Variants in SNW1 observed in about 807,000 individuals in gnomAD.
SNW1 encodes the protein SNW domain-containing protein 1.
In SNW1, 9 loss-of-function variants were observed where a neutral mutation model predicts 75.6. The ratio of observed to expected loss-of-function variants is 0.12; its 90% CI spans 0.07 to 0.21. SNW1 has a LOEUF of 0.21. SNW1 is among the 10% of genes least tolerant of loss of function. The probability of loss-of-function intolerance (pLI) is 1.00; values close to 1 mark genes in which losing one functional copy is unlikely to be tolerated. For synonymous variants in SNW1, 200 were observed against 219.1 expected (o/e 0.91, Z 0.77); for missense variants, 409 against 670.9 (o/e 0.61, Z 4.31).
intron 12 of SNW1, among the ~76,000 whole-genome samples, chr14:77,718,767 AGTG>A (rs1191241164): frequency 4.0e-5 from 6 of 148,998 alleles, no homozygotes; most frequent in Admixed American, 2.7e-4. Context: ...GCTGGAGTGC[AGTG>A]GTGTGATCTT....
chr14:77,727,013 T>C (rs2080591081), intron 10 of SNW1, among the ~76,000 whole-genome samples: 1 of 152,088 alleles, frequency 6.6e-6, no homozygotes, highest in Non-Finnish European at 1.5e-5. Flanking sequence ...TTTTTCTAAA[T>C]ATAGGATCAT....
At chr14:77,748,112 C>T (rs1440171898) in intron 3 of SNW1, among the ~76,000 whole-genome samples, 2 of 152,238 alleles carry the variant, frequency 1.3e-5, no homozygotes, top group East Asian at 1.9e-4. Flanking sequence ...AACCTTACCC[C>T]TAACCCCATG....
intron 1 of SNW1, 107 bp from the exon 2 acceptor site, chr14:77,755,227 T>A: frequency 1.2e-5 from 12 of 963,218 alleles, no homozygotes; most frequent in Non-Finnish European, 1.7e-5. Context: ...CTTTTACTTT[T>A]CAGAAAAAGA....
At chr14:77,750,863 C>G (rs993437096) in intron 3 of SNW1, among the ~76,000 whole-genome samples, 2 of 151,970 alleles carry the variant, frequency 1.3e-5, no homozygotes, top group Non-Finnish European at 2.9e-5. Context: ...TTATTATACT[C>G]AAATAAACTA....
At chr14:77,733,986 C>T in intron 8 of SNW1, 1 of 431,212 alleles carries the variant, frequency 2.3e-6, no homozygotes, top group Non-Finnish European at 4.6e-6. Context: ...CTCAAGATAC[C>T]ATCCAGTTAC....
At chr14:77,747,551 C>A (rs2080771013) in intron 3 of SNW1, among the ~76,000 whole-genome samples, 1 of 151,552 alleles carries the variant, frequency 6.6e-6, no homozygotes, top group South Asian at 2.1e-4. Context: ...ATGTGAGGAG[C>A]ACCTCTGCCC....
At position 77,754,066 on chromosome 14, in the gene SNW1, T is replaced by TG. The variant is rs776443406; in HGVS notation, c.168+900dup. Among the ~76,000 whole-genome samples the TG allele has an allele frequency of 3.3e-5, 5 of 152,076 alleles. No homozygotes were observed. In the East Asian group the frequency reaches 5.8e-4, roughly 18 times the overall value. ...TTTTTATTTTTTATTTTTTTTGAGATGGAGTTTTGCTGTTGTTGCCCAGGC... is the reference window on the plus strand; with the variant it reads ...TTTTTATTTTTTATTTTTTTTGAGATGGGAGTTTTGCTGTTGTTGCCCAGGC... On this transcript the variant is annotated intron_variant, in intron 2 of 13. Coordinates refer to ENST00000261531, the MANE Select transcript of SNW1 (RefSeq NM_012245.3).
At position 77,751,845 on chromosome 14, in the gene SNW1, C is replaced by CACACACACACACCA. The variant is rs1555388654; in HGVS notation, c.169-366_169-365insTGGTGTGTGTGTGT. Among the ~76,000 whole-genome samples the CACACACACACACCA allele has an allele frequency of 2.6e-4, 32 of 122,642 alleles. 1 individual carries two copies. In the East Asian group the frequency reaches 4.3e-3, roughly 17 times the overall value. 80.5% of individuals were successfully genotyped at this position (122,642 alleles called of 152,430 possible). A position where few individuals can be genotyped will look rare whatever the true frequency, so the allele number is the denominator to read the frequency against. On this transcript the variant is annotated intron_variant, in intron 2 of 13. Coordinates refer to ENST00000261531, the MANE Select transcript of SNW1 (RefSeq NM_012245.3). ...ACACACACACACACACACACACACA[C>CACACACACACACCA]CACACACACACACACACAAAGCATT...
chr14:77,741,096 CAAAAAAAAAAA>C (rs60307573), intron 3 of SNW1, among the ~76,000 whole-genome samples: 2 of 87,304 alleles, frequency 2.3e-5, no homozygotes, highest in Non-Finnish European at 4.4e-5. Flanking sequence ...AAACTGTCTC[CAAAAAAAAAAA>C]AAAAAAAAAA....
chr14:77,760,867 G>A (rs939734850), intron 1 of SNW1: 8 of 815,330 alleles, frequency 9.8e-6, no homozygotes, highest in African/African-American at 3.4e-5. Flanking sequence ...ACTCTTCAGT[G>A]TCTGAGACCA....
chr14:77,725,395 T>C (rs1040740669), intron 10 of SNW1, among the ~76,000 whole-genome samples: 1 of 152,340 alleles, frequency 6.6e-6, no homozygotes, highest in South Asian at 2.1e-4. Context: ...ACCCAAAAAA[T>C]CTTTGTCCAG....
intron 3 of SNW1, among the ~76,000 whole-genome samples, chr14:77,748,765 T>C (rs552424310): frequency 1.1e-4 from 17 of 152,152 alleles, no homozygotes; most frequent in Admixed American, 3.3e-4. Context: ...TTTTTTGTGT[T>C]TTTAGTAGAG....
At chr14:77,761,061 A>G (rs768887195) in intron 1 of SNW1, 53 bp downstream of exon 1, 2 of 1,614,084 alleles carry the variant, frequency 1.2e-6, no homozygotes, top group South Asian at 2.2e-5. Flanking sequence ...AGAAATGAAG[A>G]AGACTGGTAC....
At chr14:77,751,838 A>ACACACACACACACAC (rs962881056) in intron 2 of SNW1, among the ~76,000 whole-genome samples, 4 of 124,730 alleles carry the variant, frequency 3.2e-5, no homozygotes, top group Non-Finnish European at 5.2e-5. Context: ...ACACACACAC[A>ACACACACACACACAC]CACACACCAC....
chr14:77,730,521 T>G lies in SNW1; in HGVS notation c.1033+467A>C, dbSNP rs10151202. On this transcript the variant is annotated intron_variant, in intron 10 of 13. Transcript: ENST00000261531. ...TTAGGACTCGACTTCCCACTCTAAT[T>G]GAATTAATACACCAATGTAGACCAC... 8.1e-3 allele frequency among the ~76,000 whole-genome samples: 1,233 copies of G among 152,278 alleles called. 21 individuals carry two copies. Among genetic ancestry groups the G allele is most frequent in the African/African-American group, 0.028 (1,183 of 41,552 alleles).
At chr14:77,746,186 C>G (rs2080759078) in intron 3 of SNW1, among the ~76,000 whole-genome samples, 1 of 152,202 alleles carries the variant, frequency 6.6e-6, no homozygotes, top group Non-Finnish European at 1.5e-5. Flanking sequence ...CAGCTTAGTC[C>G]TTACCCTAAA....
chr14:77,755,132 G>A lies in SNW1; in HGVS notation c.15-12C>T. ...GTGCAGGTAAAAAGCTATAAGCAAA[G>A]ATAATAAAAGTCAGAAATTTAAAAA... is the stretch of plus-strand genomic sequence containing the variant. On this transcript the variant is annotated splice_polypyrimidine_tract_variant and intron_variant, in intron 1 of 13. Transcript: ENST00000261531. 8 of 1,604,082 alleles carry A rather than the reference G, an allele frequency of 5.0e-6. No individual in the cohort carries two copies. Among genetic ancestry groups the A allele is most frequent in the Non-Finnish European group, 6.8e-6 (8 of 1,177,470 alleles).
At chr14:77,719,593 A>T (rs897770015) in intron 12 of SNW1, among the ~76,000 whole-genome samples, 3 of 152,164 alleles carry the variant, frequency 2.0e-5, no homozygotes, top group Admixed American at 6.5e-5. Context: ...GTGAGCCGAG[A>T]TGGCACCACT....
At chr14:77,720,469 T>G in intron 12 of SNW1, 2 of 702,144 alleles carry the variant, frequency 2.8e-6, no homozygotes, top group Non-Finnish European at 2.6e-6. Flanking sequence ...AAGGTTGACA[T>G]ACCACAACAC....
Sources: allele counts gnomAD v4.1 joint callset (sites outside exome capture counted in the v4.1 genomes callset), GRCh38; gene constraint gnomAD v4.1.1; transcripts MANE v1.5; gene names NCBI Gene and HGNC (gene_info 2026-07-23, HGNC 2026-07-21).